CDH22: variants seen among roughly 807,000 people sequenced by gnomAD.
The protein encoded by CDH22 is cadherin 22.
A neutral mutation model predicts 58.4 loss-of-function variants in CDH22; 30 were observed. The observed-to-expected ratio is 0.51, with a 90% CI of 0.38 to 0.70. The LOEUF is 0.70. CDH22 is among the 30% of genes least tolerant of loss of function. The pLI is 0.00. For missense variants in CDH22, 1,014 were observed against 1,233.9 expected (o/e 0.82, Z 2.67); for synonymous variants, 513 against 558.2 (o/e 0.92, Z 1.14).
At chr20:46,177,665 T>G (rs2085750738) in intron 11 of CDH22, among the ~76,000 whole-genome samples, 1 of 152,158 alleles carries the variant, frequency 6.6e-6, no homozygotes, top group African/African-American at 2.4e-5. Flanking sequence ...AAAAGGACCA[T>G]TCACATGAGA....
At chr20:46,286,162 G>A (rs1269946400) in intron 1 of CDH22, among the ~76,000 whole-genome samples, 1 of 152,170 alleles carries the variant, frequency 6.6e-6, no homozygotes, top group African/African-American at 2.4e-5. Flanking sequence ...CTTTTCATGG[G>A]ATCTTCCTGT....
chr20:46,274,884 C>T lies in CDH22; in HGVS notation c.-399-23191G>A, dbSNP rs142417564. ...ATGCCTTTGCTTATAGGAAATGTCCCGAATAGGCAACTCTATAGAGACAGA... is the reference window on the plus strand; with the variant it reads ...ATGCCTTTGCTTATAGGAAATGTCCTGAATAGGCAACTCTATAGAGACAGA... On this transcript the variant is annotated intron_variant, in intron 1 of 11. Coordinates refer to ENST00000537909, the MANE Select transcript of CDH22 (RefSeq NM_021248.3). 3.1e-3 allele frequency among the ~76,000 whole-genome samples: 471 copies of T among 151,546 alleles called. 2 individuals carry two copies. The highest frequency in any genetic ancestry group is 9.7e-3 in the Admixed American group (148 of 15,252).
chr20:46,178,938 A>G (rs2085763989), intron 10 of CDH22, among the ~76,000 whole-genome samples: 1 of 152,132 alleles, frequency 6.6e-6, no homozygotes, highest in African/African-American at 2.4e-5. Flanking sequence ...TCCTTTTCAC[A>G]TAGGCGGCCA....
In CDH22 at chr20:46,241,027, A is replaced by T; in HGVS notation, c.486T>A (p.Asn162Lys). 6 of 1,614,008 alleles carry T rather than the reference A, an allele frequency of 3.7e-6. No individual in the cohort carries two copies. The highest frequency in any genetic ancestry group is 5.1e-6 in the Non-Finnish European group (6 of 1,179,982). Residue 162 changes from asparagine to lysine, a missense_variant, in exon 3 of 12, where the codon AAT (asparagine) becomes AAA (lysine). Physicochemically the swap from Asn to Lys is moderately conservative, Grantham distance 94. Transcript: ENST00000537909. The surrounding 1 kb of genome is among the most constrained non-coding windows in gnomAD (Gnocchi z 5.2). Reference protein sequence around the residue: ...SEFIIKVQDINDSEPRFLHGP... With the variant: ...SEFIIKVQDIKDSEPRFLHGP... ...CGTGCAGGAAGCGGGGCTCACTGTC[A>T]TTGATGTCCTGCACCTTGATGATGA...
At chr20:46,242,044 G>C (rs1329722097) in intron 2 of CDH22, among the ~76,000 whole-genome samples, 1 of 152,200 alleles carries the variant, frequency 6.6e-6, no homozygotes, top group Non-Finnish European at 1.5e-5. Context: ...CCAGGCTCAA[G>C]ACATAGCACA....
At chr20:46,299,348 G>A (rs963628917) in intron 1 of CDH22, among the ~76,000 whole-genome samples, 2 of 152,220 alleles carry the variant, frequency 1.3e-5, no homozygotes, top group African/African-American at 4.8e-5. Flanking sequence ...GCCTCCCCCA[G>A]TGCCTTCGAC....
rs754508427 is a variant in CDH22 at position 46,210,571 on chromosome 20, G to T, written c.1033-11C>A. 2 of 1,427,796 alleles carry T rather than the reference G, an allele frequency of 1.4e-6. No homozygotes were observed. Among genetic ancestry groups the T allele is most frequent in the Admixed American group, 2.9e-5 (1 of 34,074 alleles). 88.4% of individuals were successfully genotyped at this position (1,427,796 alleles called of 1,614,324 possible). A position where few individuals can be genotyped will look rare whatever the true frequency, so the allele number is the denominator to read the frequency against. On this transcript the variant is annotated splice_polypyrimidine_tract_variant and intron_variant, in intron 6 of 11. Coordinates refer to ENST00000537909, the MANE Select transcript of CDH22 (RefSeq NM_021248.3). This position sits in a 1 kb window ranked among gnomAD's most constrained non-coding sequence, Gnocchi z 4.5. The stretch of plus-strand genomic sequence containing the variant: ...TTCGAAGTCCAGGCGCTGCGGGAGG[G>T]AGCAGAGGGCCGGTTAGTGGGTGGG...
intron 5 of CDH22, 45 bp from the exon 6 acceptor site, chr20:46,213,233 C>A: frequency 6.5e-7 from 1 of 1,548,562 alleles, no homozygotes; most frequent in Middle Eastern, 1.7e-4. Context: ...CAGCCCCTTC[C>A]CCAGCCTCTG....
chr20:46,181,740 C>CTTCT (rs1466421287), intron 10 of CDH22, among the ~76,000 whole-genome samples: 1 of 38,708 alleles, frequency 2.6e-5, no homozygotes, highest in Non-Finnish European at 5.7e-5. Flanking sequence ...TCCTTCCTTC[C>CTTCT]TTCCTTCCTT....
rs1370293855 is a variant in CDH22 at position 46,223,662 on chromosome 20, TTTCC to T, written c.670+3842_670+3845del. On this transcript the variant is annotated intron_variant, in intron 4 of 11. Coordinates refer to ENST00000537909, the MANE Select transcript of CDH22 (RefSeq NM_021248.3). ...CTTTCTTTCTTTCTCTTTCTTTTTC[TTTCC>T]TTCTTTCTTTCTTTCTTTCTTTCTT... Among the ~76,000 whole-genome samples the T allele has an allele frequency of 3.5e-3, 457 of 129,778 alleles. 1 individual carries two copies. Among genetic ancestry groups the T allele is most frequent in the African/African-American group, 7.9e-3 (279 of 35,118 alleles). 85.1% of individuals were successfully genotyped at this position (129,778 alleles called of 152,430 possible).
chr20:46,294,278 C>A (rs879363603), intron 1 of CDH22, among the ~76,000 whole-genome samples: 1 of 152,110 alleles, frequency 6.6e-6, no homozygotes, highest in East Asian at 1.9e-4. Flanking sequence ...TGGTTGCAAA[C>A]GAAGTGGGTT....
intron 4 of CDH22, among the ~76,000 whole-genome samples, chr20:46,223,689 CTTTCTTTCTT>C (rs1322243643): frequency 2.9e-5 from 2 of 69,766 alleles, no homozygotes; most frequent in African/African-American, 5.7e-5. Context: ...TTCTTTCTTT[CTTTCTTTCTT>C]TCTTTCTTTC....
At chr20:46,231,663 C>G (rs1298535406) in intron 3 of CDH22, among the ~76,000 whole-genome samples, 1 of 152,160 alleles carries the variant, frequency 6.6e-6, no homozygotes, top group African/African-American at 2.4e-5. Flanking sequence ...CTGAAGGAAG[C>G]AGGTAGGATA....
intron 1 of CDH22, among the ~76,000 whole-genome samples, chr20:46,282,797 T>A (rs2086557041): frequency 6.6e-6 from 1 of 152,086 alleles, no homozygotes; most frequent in South Asian, 2.1e-4. Context: ...CCATACCAGG[T>A]GCAGGCCTGG....
At chr20:46,175,745 G>T (rs2085733896) in intron 11 of CDH22, among the ~76,000 whole-genome samples, 1 of 152,142 alleles carries the variant, frequency 6.6e-6, no homozygotes, top group Non-Finnish European at 1.5e-5. Context: ...CTTGGATCCT[G>T]GCACGGATCT....
intron 7 of CDH22, among the ~76,000 whole-genome samples, chr20:46,208,753 C>A (rs542103076): frequency 2.0e-5 from 3 of 152,096 alleles, no homozygotes; most frequent in Non-Finnish European, 2.9e-5. Flanking sequence ...GCTACCACAC[C>A]CGGCTAATTT....
chr20:46,237,119 AG>A (rs2086258914), intron 3 of CDH22, among the ~76,000 whole-genome samples: 1 of 152,246 alleles, frequency 6.6e-6, no homozygotes, highest in South Asian at 2.1e-4. Context: ...GGCACATAGC[AG>A]GCACTCAATA....
chr20:46,264,868 G>C (rs548115214), intron 1 of CDH22, among the ~76,000 whole-genome samples: 1 of 147,282 alleles, frequency 6.8e-6, no homozygotes, highest in East Asian at 2.0e-4. Flanking sequence ...CACACACACC[G>C]TGCGCACACA....
In CDH22 at chr20:46,251,244, G is replaced by A. The variant is rs1310814217; in HGVS notation, c.51C>T (p.Ser17=). The part of the protein sequence containing the change: ...GRGLRAGVAL[S]PALLLLLLLP... The stretch of plus-strand genomic sequence containing the variant: ...GCAGCAGCAGCAGCAGTAGCGCGGG[G>A]GACAGCGCGACTCCCGCCCGGAGCC... The change falls in exon 2 of 12, where the codon TCC becomes TCT. Residue 17 remains serine, a synonymous_variant. Transcript: ENST00000537909. The surrounding 1 kb of genome is among the most constrained non-coding windows in gnomAD (Gnocchi z 6.7). 1 of 1,471,658 alleles carries A rather than the reference G, an allele frequency of 6.8e-7. No individual in the cohort carries two copies. Among genetic ancestry groups the A allele is most frequent in the Non-Finnish European group, 9.0e-7 (1 of 1,114,894 alleles). 91.2% of individuals were successfully genotyped at this position (1,471,658 alleles called of 1,614,324 possible).
Sources: allele counts gnomAD v4.1 joint callset (sites outside exome capture counted in the v4.1 genomes callset), GRCh38; gene constraint gnomAD v4.1.1; non-coding constraint Gnocchi (gnomAD v3.1); transcripts MANE v1.5; gene names NCBI Gene and HGNC (gene_info 2026-07-23, HGNC 2026-07-21).